The following NAA11 variants were observed in gnomAD, a reference collection of about 807,000 sequenced individuals.
NAA11 encodes the protein N-alpha-acetyltransferase 11.
Under a neutral mutation model 16.1 loss-of-function variants are expected in NAA11, and 15 were observed. The observed-to-expected ratio is 0.93, with a 90% confidence interval of 0.62 to 1.44. The LOEUF is 1.44. Among genes scored for constraint, NAA11 ranks in the 40% most tolerant of loss-of-function variants. The pLI is 0.00. For synonymous variants in NAA11, 122 were observed against 112.4 expected (o/e 1.09, Z -0.54); for missense variants, 298 against 291.3 (o/e 1.02, Z -0.17).
the NAA11 span, among the ~76,000 whole-genome samples, chr4:79,215,311 G>A: frequency 6.6e-6 from 1 of 152,128 alleles, no homozygotes. Flanking sequence ...GGGTAGTCTT[G>A]GGCCAACCAG....
intron 2 of NAA11, among the ~76,000 whole-genome samples, chr4:79,240,173 C>T (rs1721660063): frequency 6.6e-6 from 1 of 152,176 alleles, no homozygotes; most frequent in Non-Finnish European, 1.5e-5. Flanking sequence ...CTTTTTATGG[C>T]ATTCCATGTA....
chr4:79,198,752 G>A, the NAA11 span, among the ~76,000 whole-genome samples: 6 of 151,854 alleles, frequency 4.0e-5, no homozygotes, highest in Admixed American at 1.3e-4. Context: ...CAACAAGAGC[G>A]GTCTTGGGAA....
intron 2 of NAA11, among the ~76,000 whole-genome samples, chr4:79,232,185 ATAGT>A (rs1721482088): frequency 1.3e-5 from 2 of 151,950 alleles, no homozygotes; most frequent in Non-Finnish European, 2.9e-5. Flanking sequence ...ACACATATTG[ATAGT>A]TGCCTAAACT....
At chr4:79,199,366 G>A in the NAA11 span, among the ~76,000 whole-genome samples, 1 of 151,756 alleles carries the variant, frequency 6.6e-6, no homozygotes, top group African/African-American at 2.4e-5. Context: ...GGAGGCAGAC[G>A]CACAGCAGTA....
At chr4:79,234,717 A>C (rs6810580) in intron 2 of NAA11, among the ~76,000 whole-genome samples, 108,500 of 151,986 alleles carry the variant, frequency 0.71, 40,914 homozygotes, top group East Asian at 0.89. Flanking sequence ...TAATAAGAAT[A>C]CATGAAAATA....
chr4:79,325,313 C>T lies in NAA11; in HGVS notation c.565G>A (p.Glu189Lys). ...ETQGSTLSDSEEACQQKNPAT... is the reference protein window; with the variant it reads ...ETQGSTLSDSKEACQQKNPAT... ...GGGTTCTTTTGCTGACAGGCCTCTT[C>T]AGAATCAGAAAGTGTGCTGCCCTGG... Residue 189 changes from glutamate to lysine, a missense_variant, in exon 1 of 2, where the codon GAA becomes AAA. Transcript: ENST00000286794. 6.2e-7 allele frequency: 1 copy of T among 1,613,942 alleles called. No homozygotes were observed.
chr4:79,228,476 A>G (rs1235020364), intron 2 of NAA11, among the ~76,000 whole-genome samples: 1 of 151,940 alleles, frequency 6.6e-6, no homozygotes, highest in African/African-American at 2.4e-5. Context: ...CAATTTCTTT[A>G]TGTTCTTTAT....
chr4:79,255,336 T>C (rs1722084505), intron 2 of NAA11, among the ~76,000 whole-genome samples: 1 of 151,966 alleles, frequency 6.6e-6, no homozygotes. Context: ...TAAACTCTTC[T>C]TTACTGATAT....
chr4:79,251,709 C>G (rs187067224), intron 2 of NAA11, among the ~76,000 whole-genome samples: 17 of 152,170 alleles, frequency 1.1e-4, no homozygotes, highest in Non-Finnish European at 1.6e-4. Flanking sequence ...AATTGTGCTG[C>G]ATATACTTGT....
chr4:79,251,372 G>T (rs1422607017), intron 2 of NAA11, among the ~76,000 whole-genome samples: 4 of 152,160 alleles, frequency 2.6e-5, no homozygotes, highest in Non-Finnish European at 5.9e-5. Context: ...ACTAACACAG[G>T]AACAGAAAAC....
chr4:79,160,709 C>T, the NAA11 span, among the ~76,000 whole-genome samples: 5 of 151,922 alleles, frequency 3.3e-5, no homozygotes, highest in Admixed American at 6.6e-5. Flanking sequence ...AATTTTTAAA[C>T]GGTTGAGTTG....
chr4:79,197,604 T>G, the NAA11 span: 1 of 152,010 alleles, frequency 6.6e-6, no homozygotes, highest in East Asian at 1.9e-4. Flanking sequence ...GGATAACACA[T>G]GGAACACTTG....
chr4:79,168,858 GA>G, the NAA11 span, among the ~76,000 whole-genome samples: 1 of 152,056 alleles, frequency 6.6e-6, no homozygotes, highest in Non-Finnish European at 1.5e-5. Context: ...TTGCTGTGCA[GA>G]AGCTCTTTAG....
the NAA11 span, among the ~76,000 whole-genome samples, chr4:79,219,654 C>A: frequency 6.6e-6 from 1 of 152,070 alleles, no homozygotes; most frequent in Non-Finnish European, 1.5e-5. Flanking sequence ...AAGACTAATA[C>A]AATGATCACA....
chr4:79,230,202 C>G (rs1290689935), intron 2 of NAA11, among the ~76,000 whole-genome samples: 1 of 151,440 alleles, frequency 6.6e-6, no homozygotes, highest in Non-Finnish European at 1.5e-5. Flanking sequence ...CATATTCTCA[C>G]TCATAGGTGG....
intron 2 of NAA11, among the ~76,000 whole-genome samples, chr4:79,285,213 G>T (rs1364683840): frequency 6.6e-6 from 1 of 152,080 alleles, no homozygotes; most frequent in Non-Finnish European, 1.5e-5. Flanking sequence ...GGTGGCACAT[G>T]AGAGCATTTT....
chr4:79,265,219 C>T lies in NAA11; in HGVS notation c.*122+28786G>A, dbSNP rs932564972. ...TCATATTTCAAGTCTCCCCATTTTC[C>T]TCTACTTCTGTTAATACAACCCTGC... On this transcript the variant is annotated intron_variant and NMD_transcript_variant, in intron 2 of 2. Coordinates refer to the NAA11 transcript ENST00000511542. Among the ~76,000 whole-genome samples, 3 of 152,110 alleles carry T rather than the reference C, an allele frequency of 2.0e-5. No individual in the cohort carries two copies. In the East Asian group the frequency reaches 5.8e-4, roughly 29 times the overall value.
chr4:79,263,519 T>C (rs1722281790), intron 2 of NAA11, among the ~76,000 whole-genome samples: 1 of 152,186 alleles, frequency 6.6e-6, no homozygotes, highest in Non-Finnish European at 1.5e-5. Flanking sequence ...CTAATGTGGT[T>C]GTAACATGCA....
chr4:79,228,648 A>T (rs1308214792), intron 2 of NAA11, among the ~76,000 whole-genome samples: 1 of 151,966 alleles, frequency 6.6e-6, no homozygotes, highest in African/African-American at 2.4e-5. Flanking sequence ...TTAGTAGTCT[A>T]TTCCTTTGCA....
Sources: allele counts gnomAD v4.1 joint callset (sites outside exome capture counted in the v4.1 genomes callset), GRCh38; gene constraint gnomAD v4.1.1; transcripts MANE v1.5; gene names NCBI Gene and HGNC (gene_info 2026-07-23, HGNC 2026-07-21).